The following LCOR variants were observed in gnomAD, a reference collection of about 807,000 sequenced individuals.
LCOR encodes ligand dependent nuclear receptor corepressor, also known as ligand-dependent corepressor.
In LCOR, 14 loss-of-function variants were observed where a neutral mutation model predicts 64.4. The ratio of observed to expected loss-of-function variants is 0.22; its 90% CI spans 0.14 to 0.34. LCOR has a LOEUF of 0.34. Among genes scored for constraint, LCOR ranks in the 10% least tolerant of loss-of-function variants. The probability of loss-of-function intolerance (pLI) is 1.00; values close to 1 mark genes in which losing one functional copy is unlikely to be tolerated. For synonymous variants in LCOR, 643 were observed against 642.5 expected, an observed-to-expected ratio of 1.00 and a Z score of -0.01; for missense variants, 1,686 against 1,765.3, an observed-to-expected ratio of 0.96 and a Z score of 0.80.
chr10:96,851,269 A>G (rs1032138717), intron 2 of LCOR, among the ~76,000 whole-genome samples: 3 of 152,210 alleles, frequency 2.0e-5, no homozygotes, highest in Non-Finnish European at 4.4e-5. Flanking sequence ...TGTTTATGCC[A>G]TGTACTTTTC....
Position 96,986,213 on chromosome 10 carries a change from C to G in LCOR, c.*1079C>G, listed in dbSNP as rs1848148760. The G allele has an allele frequency of 1.2e-5, 2 of 166,986 alleles. No homozygotes were observed. The highest frequency in any genetic ancestry group is 1.3e-4 in the Admixed American group (2 of 15,284). 10.3% of individuals were successfully genotyped at this position (166,986 alleles called of 1,614,324 possible). A position where few individuals can be genotyped will look rare whatever the true frequency, so the allele number is the denominator to read the frequency against. On this transcript the variant is annotated 3_prime_UTR_variant, in exon 8 of 8. Coordinates refer to ENST00000421806, the MANE Select transcript of LCOR (RefSeq NM_001346516.2). ...TAAAATTTTTTCCCTATGCAGTGTG[C>G]TTGGGTGTCCCTGAGTTGAGTAATT...
At chr10:96,872,911 C>A (rs1483572952) in intron 2 of LCOR, among the ~76,000 whole-genome samples, 1 of 151,938 alleles carries the variant, frequency 6.6e-6, no homozygotes, top group Admixed American at 6.6e-5. Flanking sequence ...TTTATTAAAA[C>A]AGTAACTATG....
chr10:96,948,972 G>A lies in LCOR; in HGVS notation c.-50-36G>A. 2.0e-6 allele frequency: 3 copies of A among 1,474,348 alleles called. No individual in the cohort carries two copies. The East Asian group carries it at 6.8e-5, about 34-fold the overall frequency. The allele number at this position is 1,474,348 out of a possible 1,614,324, so 91.3% of individuals were successfully genotyped here. ...TGAAAGCTGTCTTTTTTAGTACATTGTCCCACTTTAAAAGTAAATAAATCT... is the reference window on the plus strand; with the variant it reads ...TGAAAGCTGTCTTTTTTAGTACATTATCCCACTTTAAAAGTAAATAAATCT... On this transcript the variant is annotated intron_variant, in intron 5 of 7. Transcript: ENST00000421806.
At chr10:96,881,675 T>C (rs1184994889) in intron 2 of LCOR, among the ~76,000 whole-genome samples, 2 of 152,196 alleles carry the variant, frequency 1.3e-5, no homozygotes, top group African/African-American at 4.8e-5. Context: ...CAGGCTGGTC[T>C]TAAACTCCTG....
At chr10:96,846,662 A>G (rs1230695525) in intron 2 of LCOR, among the ~76,000 whole-genome samples, 1 of 152,232 alleles carries the variant, frequency 6.6e-6, no homozygotes, top group Non-Finnish European at 1.5e-5. Flanking sequence ...ATTTGCGTAT[A>G]TATTTACTGT....
intron 7 of LCOR, 82 bp downstream of exon 7, chr10:96,952,278 T>A: frequency 1.1e-6 from 1 of 925,774 alleles, no homozygotes; most frequent in Non-Finnish European, 1.7e-6. Flanking sequence ...TTTTACATTT[T>A]AAAAAATAAC....
At chr10:96,837,146 A>C (rs1278775814) in intron 2 of LCOR, among the ~76,000 whole-genome samples, 1 of 152,152 alleles carries the variant, frequency 6.6e-6, no homozygotes, top group Admixed American at 6.5e-5. Flanking sequence ...GCCCGCCACC[A>C]CGCTCGGCTA....
intron 2 of LCOR, among the ~76,000 whole-genome samples, chr10:96,867,040 G>C (rs552199573): frequency 2.1e-4 from 32 of 152,170 alleles, no homozygotes; most frequent in African/African-American, 7.2e-4. Context: ...AGGCTGGGGT[G>C]CAGTGGCGCA....
At chr10:96,837,291 T>C (rs980637075) in intron 2 of LCOR, among the ~76,000 whole-genome samples, 3 of 150,070 alleles carry the variant, frequency 2.0e-5, no homozygotes, top group Non-Finnish European at 4.4e-5. Flanking sequence ...CGTCCCTCTA[T>C]GTATGCCCAG....
chr10:96,980,775 TTCTC>T lies in LCOR; in HGVS notation c.333-16_333-13del, dbSNP rs1341804310. On this transcript the variant is annotated splice_polypyrimidine_tract_variant and intron_variant, in intron 7 of 7. Coordinates refer to ENST00000421806, the MANE Select transcript of LCOR (RefSeq NM_001346516.2). ...GTAAATGACAATACTAATTCCTTCT[TTCTC>T]TTTCTCTGTCTAGTGAGAACTCAAC... 1 of 660,754 alleles carries T rather than the reference TTCTC, an allele frequency of 1.5e-6. No individual in the cohort carries two copies. Among genetic ancestry groups the T allele is most frequent in the African/African-American group, 1.8e-5 (1 of 55,460 alleles). 40.9% of individuals were successfully genotyped at this position (660,754 alleles called of 1,614,324 possible).
chr10:96,841,321 A>G (rs1430327129), intron 2 of LCOR, among the ~76,000 whole-genome samples: 1 of 152,138 alleles, frequency 6.6e-6, no homozygotes, highest in African/African-American at 2.4e-5. Context: ...ACCATCTTAT[A>G]TATCTGCATG....
chr10:96,866,820 C>T (rs1465982307), intron 2 of LCOR, among the ~76,000 whole-genome samples: 1 of 152,102 alleles, frequency 6.6e-6, no homozygotes, highest in Admixed American at 6.6e-5. Context: ...AGGTGATCTG[C>T]CTGCCTTGGC....
In LCOR at chr10:96,984,704, C is replaced by T; in HGVS notation, c.4244C>T (p.Pro1415Leu). Residue 1415 changes from proline (P) to leucine (L), a missense_variant, in exon 8 of 8, where the codon CCT becomes CTT. Physicochemically the swap from Pro to Leu is moderately conservative, Grantham distance 98. Coordinates refer to ENST00000421806, the MANE Select transcript of LCOR (RefSeq NM_001346516.2). The part of the protein sequence containing the change: ...SSPPDSKNKG[P>L]TVKASKEKHA... ...CCTCCAGATAGTAAGAACAAGGGGC[C>T]TACGGTGAAAGCCAGCAAAGAAAAG... 6 of 1,613,998 alleles carry T rather than the reference C, an allele frequency of 3.7e-6. No homozygotes were observed. Among genetic ancestry groups the T allele is most frequent in the Non-Finnish European group, 5.1e-6 (6 of 1,180,030 alleles).
rs1848220476 is a variant in LCOR, at chr10:96,993,749, ATATATATATAT to A, written c.*8627_*8637del. 1 of 146,342 alleles carries A rather than the reference ATATATATATAT, an allele frequency of 6.8e-6. No individual in the cohort carries two copies. The highest frequency in any genetic ancestry group is 2.6e-5 in the African/African-American group (1 of 39,054). The allele number at this position is 146,342 out of a possible 1,614,324, so 9.1% of individuals were successfully genotyped here. On this transcript the variant is annotated 3_prime_UTR_variant, in exon 8 of 8. Transcript: ENST00000421806. ...TCTTCTCATCTGGTTATGTTATATT[ATATATATATAT>A]TATATATATATATATACAGGTGTAT... is the stretch of plus-strand genomic sequence containing the variant.
At chr10:96,847,409 T>C (rs1340429500) in intron 2 of LCOR, among the ~76,000 whole-genome samples, 1 of 133,702 alleles carries the variant, frequency 7.5e-6, no homozygotes, top group Non-Finnish European at 1.5e-5. Flanking sequence ...AAGAGTATTT[T>C]ATTTATTTAT....
At chr10:96,908,218 C>T (rs1297391450) in intron 4 of LCOR, 1 of 152,146 alleles carries the variant, frequency 6.6e-6, no homozygotes, top group Admixed American at 6.5e-5. Context: ...TCTTGAACTC[C>T]TAACCTCAAG....
At chr10:96,835,141 C>G (rs917326115) in intron 2 of LCOR, among the ~76,000 whole-genome samples, 1 of 152,158 alleles carries the variant, frequency 6.6e-6, no homozygotes, top group African/African-American at 2.4e-5. Flanking sequence ...CCTCATGATC[C>G]GCCCGCCTCG....
intron 4 of LCOR, among the ~76,000 whole-genome samples, chr10:96,924,487 C>T (rs1470712498): frequency 1.3e-5 from 2 of 151,898 alleles, no homozygotes; most frequent in African/African-American, 2.4e-5. Context: ...AGTGATCCAC[C>T]CGCCTCAGCC....
intron 4 of LCOR, among the ~76,000 whole-genome samples, chr10:96,916,372 A>G (rs1589653447): frequency 1.3e-5 from 2 of 152,030 alleles, no homozygotes; most frequent in South Asian, 2.1e-4. Context: ...TGATAAATCT[A>G]GTTGTTACTT....
Sources: allele counts gnomAD v4.1 joint callset (sites outside exome capture counted in the v4.1 genomes callset), GRCh38; gene constraint gnomAD v4.1.1; transcripts MANE v1.5; gene names NCBI Gene and HGNC (gene_info 2026-07-23, HGNC 2026-07-21).